The following AUTS2 variants were observed in gnomAD, a reference collection of about 807,000 sequenced individuals.
AUTS2 encodes activator of transcription and developmental regulator AUTS2.
A neutral mutation model predicts 112.4 loss-of-function variants in AUTS2; 17 were observed. The observed-to-expected ratio is 0.15, with a 90% CI of 0.10 to 0.23. The LOEUF (loss-of-function observed/expected upper bound fraction) is 0.23, where lower values mean the gene tolerates loss of function less well. Ranked by LOEUF, AUTS2 falls within the 10% of genes least tolerant of loss-of-function variation. The pLI is 1.00. For missense variants in AUTS2, 1,510 were observed against 1,701.6 expected (o/e 0.89, Z 1.98); for synonymous variants, 751 against 702.7 (o/e 1.07, Z -1.09).
intron 5 of AUTS2, among the ~76,000 whole-genome samples, chr7:70,505,661 C>A (rs1044068442): frequency 6.6e-6 from 1 of 152,148 alleles, no homozygotes; most frequent in Non-Finnish European, 1.5e-5. Flanking sequence ...TCCTGTGAAC[C>A]GTGGTTATAC....
At chr7:69,834,288 C>T (rs149224805) in intron 1 of AUTS2, among the ~76,000 whole-genome samples, 99 of 152,238 alleles carry the variant, frequency 6.5e-4, no homozygotes, top group Middle Eastern at 6.8e-3. Flanking sequence ...TATTTTACAA[C>T]GAAATTGTTT....
chr7:70,553,022 A>G (rs1007618907), intron 5 of AUTS2, among the ~76,000 whole-genome samples: 1 of 152,222 alleles, frequency 6.6e-6, no homozygotes, highest in African/African-American at 2.4e-5. Flanking sequence ...GTCACGAGCC[A>G]GCAGAAGGCC....
Position 70,004,035 on chromosome 7 carries a change from T to A in AUTS2, c.522+104537T>A, listed in dbSNP as rs187954220. ...AATGTGTTATATATGAATATATATA[T>A]TATATATGAATGTGTTATATGTGAA... On this transcript the variant is annotated intron_variant, in intron 2 of 18. Coordinates refer to ENST00000342771, the MANE Select transcript of AUTS2 (RefSeq NM_015570.4). 2.5e-3 allele frequency among the ~76,000 whole-genome samples: 197 copies of A among 79,508 alleles called. 3 individuals are homozygous for A. The highest frequency in any genetic ancestry group is 6.6e-3 in the East Asian group (20 of 3,008). The allele number at this position is 79,508 out of a possible 152,430, so 52.2% of individuals were successfully genotyped here.
intron 2 of AUTS2, among the ~76,000 whole-genome samples, chr7:70,026,249 T>G (rs1279790828): frequency 6.6e-6 from 1 of 152,220 alleles, no homozygotes; most frequent in Non-Finnish European, 1.5e-5. Context: ...CTAGTTCTAA[T>G]AATACTCTTT....
intron 1 of AUTS2, among the ~76,000 whole-genome samples, chr7:69,737,154 G>T (rs1269491169): frequency 6.6e-6 from 1 of 152,110 alleles, no homozygotes; most frequent in South Asian, 2.1e-4. Context: ...TCAAAGTCCT[G>T]CACTGTAGAT....
chr7:70,061,605 A>C (rs566116368), intron 2 of AUTS2, among the ~76,000 whole-genome samples: 26 of 152,242 alleles, frequency 1.7e-4, no homozygotes, highest in African/African-American at 6.0e-4. Context: ...TGTTACTGTA[A>C]CATAAATAAT....
intron 1 of AUTS2, among the ~76,000 whole-genome samples, chr7:69,769,421 G>A (rs970729481): frequency 3.5e-4 from 53 of 152,136 alleles, no homozygotes; most frequent in Admixed American, 9.8e-4. Flanking sequence ...GGAGGTTGAA[G>A]GGTGACTTAT....
intron 5 of AUTS2, among the ~76,000 whole-genome samples, chr7:70,620,468 C>T (rs1303299915): frequency 2.6e-5 from 4 of 152,068 alleles, no homozygotes; most frequent in Non-Finnish European, 4.4e-5. Flanking sequence ...AGTCACACCA[C>T]GCTCATCACT....
intron 4 of AUTS2, among the ~76,000 whole-genome samples, chr7:70,236,487 C>A (rs1281409825): frequency 6.6e-6 from 1 of 152,120 alleles, no homozygotes; most frequent in African/African-American, 2.4e-5. Flanking sequence ...ATACTGTCTT[C>A]TCAATAAAAA....
chr7:70,161,533 T>A (rs1584809590), intron 4 of AUTS2, among the ~76,000 whole-genome samples: 1 of 150,686 alleles, frequency 6.6e-6, no homozygotes, highest in East Asian at 1.9e-4. Context: ...TTTTCTTTGA[T>A]TGGCAAGATT....
intron 1 of AUTS2, among the ~76,000 whole-genome samples, chr7:69,652,492 CACTTTGGA>C (rs1343873971): frequency 6.6e-6 from 1 of 150,658 alleles, no homozygotes; most frequent in African/African-American, 2.4e-5. Context: ...GAGAATAAAG[CACTTTGGA>C]ACTTAGGAGC....
At chr7:70,077,156 CATT>C (rs1354802423) in intron 2 of AUTS2, among the ~76,000 whole-genome samples, 5 of 152,142 alleles carry the variant, frequency 3.3e-5, no homozygotes, top group Admixed American at 2.0e-4. Flanking sequence ...GAGGGATGGG[CATT>C]ATTTAGAGGG....
chr7:69,783,017 C>T (rs1457677885), intron 1 of AUTS2, among the ~76,000 whole-genome samples: 1 of 151,998 alleles, frequency 6.6e-6, no homozygotes, highest in Non-Finnish European at 1.5e-5. Context: ...CTGTGGTGTC[C>T]CCTGGGCATG....
chr7:70,033,676 T>C (rs1800878251), intron 2 of AUTS2, among the ~76,000 whole-genome samples: 1 of 152,166 alleles, frequency 6.6e-6, no homozygotes, highest in Admixed American at 6.5e-5. Context: ...AAAAAGAATC[T>C]TCTGCATTAT....
intron 1 of AUTS2, among the ~76,000 whole-genome samples, chr7:69,823,948 G>A (rs1038169343): frequency 6.6e-6 from 1 of 152,212 alleles, no homozygotes; most frequent in East Asian, 1.9e-4. Flanking sequence ...AACTCTAGAG[G>A]TATGATTTTG....
chr7:70,321,116 A>G (rs1790233280), intron 4 of AUTS2, among the ~76,000 whole-genome samples: 2 of 152,182 alleles, frequency 1.3e-5, no homozygotes, highest in African/African-American at 2.4e-5. Context: ...AATCTTCCCA[A>G]TTTTGTGAGA....
At chr7:69,625,228 T>A (rs570662058) in intron 1 of AUTS2, among the ~76,000 whole-genome samples, 5 of 152,340 alleles carry the variant, frequency 3.3e-5, no homozygotes, top group African/African-American at 7.2e-5. Context: ...CTCTCTTTTA[T>A]AGGAAAAGGG....
chr7:69,861,397 C>G (rs943605515), intron 1 of AUTS2, among the ~76,000 whole-genome samples: 14 of 152,078 alleles, frequency 9.2e-5, no homozygotes, highest in Non-Finnish European at 1.5e-5. Flanking sequence ...GTGGATGTTC[C>G]CTATAAAGCA....
intron 10 of AUTS2, 36 bp from the exon 11 acceptor site, chr7:70,771,513 A>G: frequency 6.4e-7 from 1 of 1,552,296 alleles, no homozygotes; most frequent in Non-Finnish European, 8.8e-7. Flanking sequence ...GCCTCCTACT[A>G]AAATCTTTTT....
Sources: allele counts gnomAD v4.1 joint callset (sites outside exome capture counted in the v4.1 genomes callset), GRCh38; gene constraint gnomAD v4.1.1; transcripts MANE v1.5; gene names NCBI Gene and HGNC (gene_info 2026-07-23, HGNC 2026-07-21).